Variants in MACROD2 observed in about 807,000 individuals in gnomAD.
MACROD2 encodes mono-ADP ribosylhydrolase 2.
In MACROD2, 36 loss-of-function variants were observed where a neutral mutation model predicts 70.4. The ratio of observed to expected loss-of-function variants is 0.51; its 90% confidence interval spans 0.39 to 0.68. The LOEUF (loss-of-function observed/expected upper bound fraction) is 0.68, where lower values mean the gene tolerates loss of function less well. Among genes scored for constraint, MACROD2 ranks in the 30% least tolerant of loss-of-function variants. The pLI, the probability that MACROD2 is intolerant of heterozygous loss-of-function variation, is 0.00. For synonymous variants in MACROD2, 172 were observed against 178.8 expected (o/e 0.96, Z 0.30); for missense variants, 496 against 538.4 (o/e 0.92, Z 0.78).
intron 8 of MACROD2, among the ~76,000 whole-genome samples, chr20:15,774,239 A>G (rs1216549207): frequency 6.6e-6 from 1 of 152,144 alleles, no homozygotes; most frequent in Non-Finnish European, 1.5e-5. Context: ...TGTATATGTA[A>G]AAGCAGGGAA....
At chr20:14,123,312 A>G (rs541205779) in intron 3 of MACROD2, among the ~76,000 whole-genome samples, 8 of 151,918 alleles carry the variant, frequency 5.3e-5, no homozygotes, top group Non-Finnish European at 1.0e-4. Flanking sequence ...TCCAATTTGC[A>G]CTCTCTCTGT....
intron 6 of MACROD2, among the ~76,000 whole-genome samples, chr20:15,325,426 C>T (rs1215327493): frequency 6.6e-6 from 1 of 152,108 alleles, no homozygotes; most frequent in Non-Finnish European, 1.5e-5. Flanking sequence ...TTAAATCCTT[C>T]CTTTTTATTT....
At chr20:15,968,811 A>G (rs1169421863) in intron 13 of MACROD2, among the ~76,000 whole-genome samples, 15 of 106,350 alleles carry the variant, frequency 1.4e-4, no homozygotes, top group Admixed American at 6.6e-4. Context: ...ATATATATAT[A>G]TATATATATA....
In MACROD2 at chr20:15,118,851, T is replaced by A. The variant is rs2076010608; in HGVS notation, c.419-111089T>A. On this transcript the variant is annotated intron_variant, in intron 5 of 17. Coordinates refer to ENST00000684519, the MANE Select transcript of MACROD2 (RefSeq NM_001351661.2). ...ATACTTTGTTGGAAATACAGCCACTTCCAGAGAGAATTTGGCATTGCACTT... is the reference window on the plus strand; with the variant it reads ...ATACTTTGTTGGAAATACAGCCACTACCAGAGAGAATTTGGCATTGCACTT... Among the ~76,000 whole-genome samples, 4 of 152,210 alleles carry A rather than the reference T, an allele frequency of 2.6e-5. No homozygotes were observed. The South Asian group carries it at 8.3e-4, about 31-fold the overall frequency.
intron 5 of MACROD2, among the ~76,000 whole-genome samples, chr20:15,115,315 C>T (rs2075984291): frequency 6.6e-6 from 1 of 151,986 alleles, no homozygotes. Context: ...CTGCTGTCTC[C>T]CTCCCTTGGG....
chr20:14,627,911 A>G (rs1394692095), intron 4 of MACROD2, among the ~76,000 whole-genome samples: 2 of 152,256 alleles, frequency 1.3e-5, no homozygotes, highest in Non-Finnish European at 2.9e-5. Context: ...GGAAAAGCAG[A>G]TAAATTAATA....
At chr20:15,685,701 A>T (rs1008923501) in intron 8 of MACROD2, among the ~76,000 whole-genome samples, 2 of 152,080 alleles carry the variant, frequency 1.3e-5, no homozygotes, top group African/African-American at 4.8e-5. Flanking sequence ...CCCTTCCACT[A>T]CTGCCTGGGT....
chr20:15,196,886 G>A, intron 5 of MACROD2: 7 of 985,374 alleles, frequency 7.1e-6, no homozygotes, highest in Non-Finnish European at 8.4e-6. Context: ...ACAGGCTCAG[G>A]CCTTACCAGG....
chr20:14,096,619 C>T lies in MACROD2; in HGVS notation c.271+10891C>T, dbSNP rs367614404. ...CCTGGCCTAAAGTGATCTGCCCATC[C>T]GGCCTCCAAAAAGGATTGCAGGTGT... On this transcript the variant is annotated intron_variant, in intron 3 of 17. Transcript: ENST00000684519. Among the ~76,000 whole-genome samples the T allele has an allele frequency of 1.2e-3, 190 of 152,050 alleles. 6 individuals are homozygous for T. In the South Asian group the frequency reaches 0.035, roughly 28 times the overall value.
intron 5 of MACROD2, among the ~76,000 whole-genome samples, chr20:14,743,643 C>T (rs1175294714): frequency 6.6e-6 from 1 of 152,090 alleles, no homozygotes; most frequent in African/African-American, 2.4e-5. Context: ...TAGTTTAAGC[C>T]ACTAAATTTG....
intron 13 of MACROD2, 60 bp downstream of exon 13, chr20:15,967,690 A>G (rs1294578467): frequency 2.8e-6 from 4 of 1,410,924 alleles, no homozygotes; most frequent in Non-Finnish European, 3.9e-6. Context: ...AGAAAAAAAA[A>G]AAAAAAAAAA....
At chr20:14,127,711 A>C in intron 3 of MACROD2, 1 of 386,682 alleles carries the variant, frequency 2.6e-6, no homozygotes, top group Non-Finnish European at 5.0e-6. Context: ...AACGTGATAC[A>C]ATCTACACCA....
At chr20:15,321,025 A>G (rs953537544) in intron 6 of MACROD2, among the ~76,000 whole-genome samples, 2 of 152,216 alleles carry the variant, frequency 1.3e-5, no homozygotes, top group Non-Finnish European at 2.9e-5. Flanking sequence ...TAAGCACTTA[A>G]TAAATATGAA....
intron 5 of MACROD2, among the ~76,000 whole-genome samples, chr20:15,144,988 TATATG>T (rs1266106132): frequency 6.6e-6 from 1 of 152,104 alleles, no homozygotes; most frequent in African/African-American, 2.4e-5. Flanking sequence ...GTGTGGTACA[TATATG>T]AGGGAGTGGT....
chr20:15,872,275 GCA>G (rs2064596770), intron 9 of MACROD2, among the ~76,000 whole-genome samples: 1 of 152,108 alleles, frequency 6.6e-6, no homozygotes, highest in South Asian at 2.1e-4. Flanking sequence ...TAATAATGAA[GCA>G]CACAGTGTCA....
At chr20:15,777,059 T>A (rs1000950224) in intron 8 of MACROD2, among the ~76,000 whole-genome samples, 6 of 152,192 alleles carry the variant, frequency 3.9e-5, no homozygotes, top group African/African-American at 1.4e-4. Context: ...TGCTAGATTC[T>A]ATAAAAACAA....
At chr20:15,560,762 CAAAAAAA>C (rs71190190) in intron 8 of MACROD2, among the ~76,000 whole-genome samples, 12 of 22,090 alleles carry the variant, frequency 5.4e-4, no homozygotes, top group South Asian at 3.6e-3. Context: ...AACAAAGTCT[CAAAAAAA>C]AAAAAAAAAA....
intron 12 of MACROD2, among the ~76,000 whole-genome samples, chr20:15,941,328 A>G (rs1469918106): frequency 6.6e-6 from 1 of 152,222 alleles, no homozygotes; most frequent in Non-Finnish European, 1.5e-5. Context: ...GCTTCTTTCA[A>G]TTAAAAACAG....
At chr20:15,391,670 C>T (rs2045794150) in intron 6 of MACROD2, among the ~76,000 whole-genome samples, 1 of 152,140 alleles carries the variant, frequency 6.6e-6, no homozygotes, top group East Asian at 1.9e-4. Context: ...TCCATTTCTT[C>T]TTTATTTTCT....
Sources: gnomAD v4.1 joint callset for allele counts (sites outside exome capture counted in the v4.1 genomes callset) on GRCh38, gnomAD v4.1.1 for gene constraint, MANE v1.5 for transcripts, NCBI Gene and HGNC (gene_info 2026-07-23, HGNC 2026-07-21) for gene names.